Variants in PTPRT observed in about 807,000 individuals in gnomAD.
The protein encoded by PTPRT is receptor-type tyrosine-protein phosphatase T.
Under a neutral mutation model 176.8 loss-of-function variants are expected in PTPRT, and 56 were observed. The observed-to-expected ratio is 0.32, with a 90% CI of 0.26 to 0.40. The LOEUF (loss-of-function observed/expected upper bound fraction) is 0.40, where lower values mean the gene tolerates loss of function less well. Ranked by LOEUF, PTPRT falls within the 10% of genes least tolerant of loss-of-function variation. The pLI is 1.00. For synonymous variants in PTPRT, 783 were observed against 739.0 expected, an observed-to-expected ratio of 1.06 and a Z score of -0.96; for missense variants, 1,540 against 1,908.2, an observed-to-expected ratio of 0.81 and a Z score of 3.60.
chr20:42,232,576 T>C (rs1237300610), intron 15 of PTPRT, among the ~76,000 whole-genome samples: 1 of 151,808 alleles, frequency 6.6e-6, no homozygotes, highest in Non-Finnish European at 1.5e-5. Context: ...TGTTTCCTCT[T>C]CCTCATCTCC....
chr20:43,124,805 T>C (rs2013382217), intron 1 of PTPRT, among the ~76,000 whole-genome samples: 2 of 152,124 alleles, frequency 1.3e-5, no homozygotes, highest in South Asian at 4.1e-4. Flanking sequence ...ATAAGCAAAT[T>C]ACACTGGGCT....
intron 3 of PTPRT, among the ~76,000 whole-genome samples, chr20:42,788,664 C>T (rs2077327844): frequency 6.6e-6 from 1 of 152,128 alleles, no homozygotes; most frequent in Non-Finnish European, 1.5e-5. Flanking sequence ...GACAAAGAAC[C>T]CCAAAATAAA....
At chr20:42,680,935 C>T (rs888339016) in intron 6 of PTPRT, among the ~76,000 whole-genome samples, 4 of 152,186 alleles carry the variant, frequency 2.6e-5, no homozygotes, top group African/African-American at 9.7e-5. Context: ...TCTCTCTCTC[C>T]ATCCCCTCAA....
chr20:42,266,464 T>C (rs1049980010), intron 13 of PTPRT, among the ~76,000 whole-genome samples: 1 of 152,170 alleles, frequency 6.6e-6, no homozygotes, highest in African/African-American at 2.4e-5. Context: ...GCCTTCTTTC[T>C]GCACTGGTGG....
At chr20:42,049,517 A>G in the PTPRT span, among the ~76,000 whole-genome samples, 3 of 152,242 alleles carry the variant, frequency 2.0e-5, no homozygotes, top group Admixed American at 2.0e-4. Context: ...AACTACTCCT[A>G]TAAAATGCAA....
At chr20:43,057,319 G>A (rs139554826) in intron 1 of PTPRT, among the ~76,000 whole-genome samples, 8 of 110,194 alleles carry the variant, frequency 7.3e-5, no homozygotes, top group African/African-American at 2.5e-4. Flanking sequence ...GGAGGAGGAG[G>A]GGGGAAGGGG....
intron 2 of PTPRT, among the ~76,000 whole-genome samples, chr20:42,865,001 G>A (rs1309120196): frequency 3.9e-5 from 6 of 152,164 alleles, no homozygotes; most frequent in African/African-American, 1.4e-4. Flanking sequence ...TCCAGAGGTT[G>A]GAACTATACT....
rs753112852 is a variant in PTPRT at position 42,080,881 on chromosome 20, A to G, written c.4324T>C (p.Ter1442GlnextTer31). 8 of 1,610,522 alleles carry G rather than the reference A, an allele frequency of 5.0e-6. No individual in the cohort carries two copies. Among genetic ancestry groups the G allele is most frequent in the Admixed American group, 3.3e-5 (2 of 59,986 alleles). ...GGCAGGTTCCCCATCCCATTGAGCT[A>G]AAAGGAGCTTAAATATTCCAGTGCC... ...EVALEYLSSF* is the reference protein window; with the variant it reads ...EVALEYLSSFQ The change falls in exon 31 of 31, where the codon TAG becomes CAG. Residue 1442 changes from the stop codon to glutamine (Q), a stop_lost. Transcript: ENST00000373187.
chr20:42,651,336 C>A (rs2075027513), intron 7 of PTPRT, among the ~76,000 whole-genome samples: 1 of 152,172 alleles, frequency 6.6e-6, no homozygotes, highest in African/African-American at 2.4e-5. Flanking sequence ...CCCTATTGAT[C>A]TCAAATGTCA....
chr20:42,045,359 C>T, the PTPRT span, among the ~76,000 whole-genome samples: 18 of 151,974 alleles, frequency 1.2e-4, no homozygotes, highest in African/African-American at 4.3e-4. Context: ...AAGAAATACA[C>T]TGAGTGGCTC....
chr20:42,669,350 C>T (rs1325396656), intron 7 of PTPRT, among the ~76,000 whole-genome samples: 2 of 152,084 alleles, frequency 1.3e-5, no homozygotes, highest in East Asian at 1.9e-4. Context: ...AAAATTTCTC[C>T]ATTGGTCTTT....
chr20:42,234,700 T>C (rs1213667697), intron 15 of PTPRT, among the ~76,000 whole-genome samples: 1 of 152,238 alleles, frequency 6.6e-6, no homozygotes, highest in Non-Finnish European at 1.5e-5. Flanking sequence ...GTTCTAGCCA[T>C]TTCTTCATCC....
chr20:42,884,249 G>T (rs1370887982), intron 2 of PTPRT, among the ~76,000 whole-genome samples: 1 of 152,168 alleles, frequency 6.6e-6, no homozygotes, highest in Non-Finnish European at 1.5e-5. Context: ...GGTCCCACCA[G>T]ATCTGAAATG....
At chr20:42,764,930 C>A (rs2076962250) in intron 5 of PTPRT, among the ~76,000 whole-genome samples, 1 of 152,142 alleles carries the variant, frequency 6.6e-6, no homozygotes. Context: ...ACACTCACAG[C>A]CTCAGAGGCC....
At chr20:42,486,401 T>C (rs578161242) in intron 7 of PTPRT, among the ~76,000 whole-genome samples, 79 of 152,308 alleles carry the variant, frequency 5.2e-4, no homozygotes, top group African/African-American at 1.8e-3. Context: ...CATCTGCAAA[T>C]AGTCTTGCTC....
At chr20:42,170,068 C>T (rs886986327) in intron 16 of PTPRT, among the ~76,000 whole-genome samples, 2 of 152,146 alleles carry the variant, frequency 1.3e-5, no homozygotes, top group African/African-American at 4.8e-5. Flanking sequence ...CCGTCTCTGC[C>T]ACCAGACAGT....
intron 18 of PTPRT, among the ~76,000 whole-genome samples, chr20:42,136,925 C>G (rs1322862769): frequency 6.6e-6 from 1 of 152,160 alleles, no homozygotes; most frequent in African/African-American, 2.4e-5. Context: ...GTCATTCTAC[C>G]TAAGCAGAGA....
Position 42,073,611 on chromosome 20 carries a change from G to T in PTPRT, c.*7268C>A, listed in dbSNP as rs935523287. The stretch of plus-strand genomic sequence containing the variant: ...CTGCTCTCATGAGAGATCTACATGG[G>T]TATTGGGTCTATGGCAAAGCAGCTG... On this transcript the variant is annotated 3_prime_UTR_variant, in exon 31 of 31. Transcript: ENST00000373187. 8.6e-5 allele frequency: 19 copies of T among 220,784 alleles called. No homozygotes were observed. Among genetic ancestry groups the T allele is most frequent in the Non-Finnish European group, 1.4e-4 (16 of 111,368 alleles). 13.7% of individuals were successfully genotyped at this position (220,784 alleles called of 1,614,324 possible).
rs533763016 is a variant in PTPRT at position 43,050,578 on chromosome 20, G to C, written c.88+139068C>G. Among the ~76,000 whole-genome samples the C allele has an allele frequency of 9.8e-5, 15 of 152,300 alleles. No homozygotes were observed. In the East Asian group the frequency reaches 2.7e-3, roughly 27 times the overall value. On this transcript the variant is annotated intron_variant, in intron 1 of 30. Coordinates refer to ENST00000373187, the MANE Select transcript of PTPRT (RefSeq NM_007050.6). ...AATCCGTTACAGGAAACCAGTAATG[G>C]CCTAACCTTTGACACTGGGTAAACA...
Sources: gnomAD v4.1 joint callset for allele counts (sites outside exome capture counted in the v4.1 genomes callset) on GRCh38, gnomAD v4.1.1 for gene constraint, MANE v1.5 for transcripts, NCBI Gene and HGNC (gene_info 2026-07-23, HGNC 2026-07-21) for gene names.